The following MPRIP variants were observed in gnomAD, a reference collection of about 807,000 sequenced individuals.
MPRIP encodes myosin phosphatase Rho interacting protein, also known as myosin phosphatase Rho-interacting protein.
MPRIP carries 59 observed loss-of-function variants against 234.9 expected under a neutral mutation model. That is an observed-to-expected ratio of 0.25 (90% confidence interval 0.20 to 0.31). The LOEUF is 0.31. MPRIP is among the 10% of genes least tolerant of loss of function. The pLI is 1.00. For synonymous variants in MPRIP, 1,144 were observed against 1,263.9 expected, an observed-to-expected ratio of 0.91 and a Z score of 2.01; for missense variants, 2,436 against 3,071.0, an observed-to-expected ratio of 0.79 and a Z score of 4.89.
intron 16 of MPRIP, chr17:17,169,023 C>G (rs1349289526): frequency 1.1e-5 from 5 of 456,758 alleles, no homozygotes; most frequent in South Asian, 7.7e-5. Flanking sequence ...TCGGCCCCAC[C>G]CAGACACACA....
At chr17:17,148,181 G>C (rs1196113773) in intron 11 of MPRIP, among the ~76,000 whole-genome samples, 1 of 152,210 alleles carries the variant, frequency 6.6e-6, no homozygotes, top group Non-Finnish European at 1.5e-5. Context: ...GTAGGGGTAG[G>C]AGAGTGTGGG....
intron 3 of MPRIP, among the ~76,000 whole-genome samples, chr17:17,118,676 C>G (rs2090331858): frequency 6.6e-6 from 1 of 152,180 alleles, no homozygotes; most frequent in Non-Finnish European, 1.5e-5. Context: ...GGCCCATTGT[C>G]AGTCCCTAGG....
At chr17:17,174,977 C>G (rs1042837045) in intron 19 of MPRIP, among the ~76,000 whole-genome samples, 2 of 152,178 alleles carry the variant, frequency 1.3e-5, no homozygotes, top group African/African-American at 4.8e-5. Context: ...GGAACATAGT[C>G]CCTTTCTCAC....
At chr17:17,177,458 T>G in intron 22 of MPRIP, 46 bp downstream of exon 22, 1 of 1,592,398 alleles carries the variant, frequency 6.3e-7, no homozygotes, top group East Asian at 2.3e-5. Context: ...GGGGGGCTTA[T>G]GGGGGTTTGG....
At chr17:17,110,197 A>T (rs2090143147) in intron 3 of MPRIP, among the ~76,000 whole-genome samples, 1 of 152,096 alleles carries the variant, frequency 6.6e-6, no homozygotes, top group Admixed American at 6.5e-5. Flanking sequence ...TGATCTCTGC[A>T]CACACCAGCG....
At position 17,172,686 on chromosome 17, in the gene MPRIP, C is replaced by G. The variant is rs942859409; in HGVS notation, c.6473-12C>G. 1.9e-6 allele frequency: 3 copies of G among 1,608,126 alleles called. No homozygotes were observed. The highest frequency in any genetic ancestry group is 2.5e-6 in the Non-Finnish European group (3 of 1,177,856). On this transcript the variant is annotated splice_polypyrimidine_tract_variant and intron_variant, in intron 17 of 23. Coordinates refer to ENST00000651222, the MANE Select transcript of MPRIP (RefSeq NM_001364716.4). ...TGGTCCCTCGGTGCTGAGGCCGTGTCCTTGCCTGCAGCCATCGAAGCCATG... is the reference window on the plus strand; with the variant it reads ...TGGTCCCTCGGTGCTGAGGCCGTGTGCTTGCCTGCAGCCATCGAAGCCATG...
At chr17:17,117,584 A>G (rs942446791) in intron 3 of MPRIP, among the ~76,000 whole-genome samples, 2 of 152,224 alleles carry the variant, frequency 1.3e-5, no homozygotes, top group African/African-American at 2.4e-5. Context: ...CATTGTATGA[A>G]TATTGCATTT....
At chr17:17,118,524 T>C (rs1377111798) in intron 3 of MPRIP, among the ~76,000 whole-genome samples, 3 of 152,176 alleles carry the variant, frequency 2.0e-5, no homozygotes, top group Non-Finnish European at 4.4e-5. Flanking sequence ...GCCTAGGGGC[T>C]GTTCCATGCA....
chr17:17,175,479 T>C, intron 20 of MPRIP, 67 bp downstream of exon 20: 2 of 1,481,090 alleles, frequency 1.4e-6, no homozygotes, highest in South Asian at 2.7e-5. Context: ...GAGTGCAGCA[T>C]GGCCCCTGTC....
intron 2 of MPRIP, chr17:17,077,186 G>A (rs1321498457): frequency 6.6e-6 from 1 of 152,176 alleles, no homozygotes; most frequent in South Asian, 2.1e-4. Context: ...TTGAAAATAG[G>A]TCATGGACCC....
chr17:17,146,715 G>T (rs753572595), intron 10 of MPRIP, among the ~76,000 whole-genome samples: 1 of 152,244 alleles, frequency 6.6e-6, no homozygotes. Context: ...TTACCTAAGA[G>T]GCCCTGATGC....
chr17:17,128,759 C>T (rs530335311), intron 4 of MPRIP, among the ~76,000 whole-genome samples: 1 of 152,200 alleles, frequency 6.6e-6, no homozygotes, highest in Non-Finnish European at 1.5e-5. Context: ...TGCTCAGCTG[C>T]GTGAGGGAGT....
chr17:17,177,925 A>ATT (rs35154903), intron 22 of MPRIP, among the ~76,000 whole-genome samples: 8,951 of 127,158 alleles, frequency 0.07, 411 homozygotes, highest in East Asian at 0.19. Context: ...CTCATACGTA[A>ATT]TTTTTTTTTT....
intron 3 of MPRIP, among the ~76,000 whole-genome samples, chr17:17,086,494 T>G (rs1187039036): frequency 6.6e-6 from 1 of 152,242 alleles, no homozygotes; most frequent in Admixed American, 6.5e-5. Context: ...GTCTGTGCGA[T>G]GCTCTTTTCA....
intron 19 of MPRIP, 74 bp downstream of exon 19, chr17:17,174,149 T>G (rs2046205009): frequency 2.0e-6 from 3 of 1,533,940 alleles, no homozygotes; most frequent in Non-Finnish European, 2.7e-6. Context: ...GTCAGGTGAG[T>G]CCACACTGGA....
rs751383923 is a variant in MPRIP, at chr17:17,184,809, C to G, written c.7207-14C>G. 1 of 1,607,616 alleles carries G rather than the reference C, an allele frequency of 6.2e-7. No homozygotes were observed. The highest frequency in any genetic ancestry group is 1.1e-5 in the South Asian group (1 of 90,874). ...GGTGTGTTTATTTTCTCCTCCTGCT[C>G]TGTCTCTACCCAGAGTCTGAAGGAA... On this transcript the variant is annotated splice_polypyrimidine_tract_variant and intron_variant, in intron 23 of 23. Transcript: ENST00000651222.
At chr17:17,175,718 G>A (rs1266390497) in intron 20 of MPRIP, among the ~76,000 whole-genome samples, 1 of 152,232 alleles carries the variant, frequency 6.6e-6, no homozygotes, top group East Asian at 1.9e-4. Context: ...GACACGTTCT[G>A]TAGCCATGTG....
intron 3 of MPRIP, among the ~76,000 whole-genome samples, chr17:17,116,676 C>T (rs2090291918): frequency 6.6e-6 from 1 of 152,238 alleles, no homozygotes; most frequent in African/African-American, 2.4e-5. Flanking sequence ...TCCTGCCAGT[C>T]CCCAGTCTGT....
chr17:17,089,281 T>G (rs561938932), intron 3 of MPRIP, among the ~76,000 whole-genome samples: 1 of 152,338 alleles, frequency 6.6e-6, no homozygotes, highest in East Asian at 1.9e-4. Flanking sequence ...GGCAGCTTCC[T>G]TCTGAGGTCC....
Sources: gnomAD v4.1 joint callset for allele counts (sites outside exome capture counted in the v4.1 genomes callset) on GRCh38, gnomAD v4.1.1 for gene constraint, MANE v1.5 for transcripts, NCBI Gene and HGNC (gene_info 2026-07-23, HGNC 2026-07-21) for gene names.